Variants in PLXDC2 observed in about 807,000 individuals in gnomAD.
PLXDC2 encodes the protein plexin domain-containing protein 2.
In PLXDC2, 40 loss-of-function variants were observed where a neutral mutation model predicts 68.9. The ratio of observed to expected loss-of-function variants is 0.58; its 90% CI spans 0.45 to 0.76. The LOEUF is 0.76. PLXDC2 is among the 30% of genes least tolerant of loss of function. PLXDC2 has a pLI of 0.00. For synonymous variants in PLXDC2, 243 were observed against 234.2 expected (o/e 1.04, Z -0.34); for missense variants, 644 against 661.9 (o/e 0.97, Z 0.30).
At chr10:19,896,812 TG>T (rs1277338847) in intron 1 of PLXDC2, among the ~76,000 whole-genome samples, 1 of 152,182 alleles carries the variant, frequency 6.6e-6, no homozygotes, top group Non-Finnish European at 1.5e-5. Flanking sequence ...TTTGGGTCTT[TG>T]GTCAAGTCTC....
rs1043369664 is a variant in PLXDC2, at chr10:20,284,715, T to C, written c.*4896T>C. 6.6e-6 allele frequency: 1 copy of C among 152,146 alleles called. No individual in the cohort carries two copies. Among genetic ancestry groups the C allele is most frequent in the Non-Finnish European group, 1.5e-5 (1 of 68,040 alleles). The allele number at this position is 152,146 out of a possible 1,614,324, so 9.4% of individuals were successfully genotyped here. A position where few individuals can be genotyped will look rare whatever the true frequency, so the allele number is the denominator to read the frequency against. ...CAGTAAACTGGGTCTTGAACTTAAATGTTTGTTTCAGTTCTCATTGCCTTC... is the reference window on the plus strand; with the variant it reads ...CAGTAAACTGGGTCTTGAACTTAAACGTTTGTTTCAGTTCTCATTGCCTTC... On this transcript the variant is annotated 3_prime_UTR_variant, in exon 14 of 14. Transcript: ENST00000377252.
At chr10:19,994,425 C>A (rs1361733795) in intron 1 of PLXDC2, among the ~76,000 whole-genome samples, 1 of 144,498 alleles carries the variant, frequency 6.9e-6, no homozygotes, top group Non-Finnish European at 1.5e-5. Flanking sequence ...TCTTCCTAGG[C>A]TCAAGCGATC....
intron 12 of PLXDC2, among the ~76,000 whole-genome samples, chr10:20,225,088 G>T (rs1835268395): frequency 6.6e-6 from 1 of 152,170 alleles, no homozygotes. Flanking sequence ...AATTAAAACA[G>T]ATATACTTTG....
intron 3 of PLXDC2, among the ~76,000 whole-genome samples, chr10:20,061,787 C>G (rs1034927895): frequency 6.6e-6 from 1 of 152,122 alleles, no homozygotes; most frequent in Non-Finnish European, 1.5e-5. Context: ...ATGAAGACAT[C>G]GTAACATTGC....
At chr10:20,195,020 T>C (rs1446442880) in intron 9 of PLXDC2, among the ~76,000 whole-genome samples, 1 of 152,002 alleles carries the variant, frequency 6.6e-6, no homozygotes, top group African/African-American at 2.4e-5. Context: ...TATTACATTA[T>C]AAAAGATAAT....
intron 1 of PLXDC2, among the ~76,000 whole-genome samples, chr10:19,856,739 C>G (rs1439536962): frequency 6.6e-6 from 1 of 152,130 alleles, no homozygotes; most frequent in Non-Finnish European, 1.5e-5. Context: ...TGGGGGAAAT[C>G]AAAACAACTT....
intron 4 of PLXDC2, among the ~76,000 whole-genome samples, chr10:20,082,141 A>G (rs1343495922): frequency 6.6e-6 from 1 of 151,638 alleles, no homozygotes; most frequent in Admixed American, 6.6e-5. Context: ...GCTAAATATA[A>G]TGTCATATTG....
intron 3 of PLXDC2, among the ~76,000 whole-genome samples, chr10:20,050,240 A>C (rs1000690067): frequency 3.3e-5 from 5 of 152,090 alleles, no homozygotes; most frequent in African/African-American, 1.2e-4. Context: ...TAGATGTAAA[A>C]CTCAAAACTA....
intron 4 of PLXDC2, among the ~76,000 whole-genome samples, chr10:20,109,082 C>G (rs1341105775): frequency 6.6e-6 from 1 of 152,142 alleles, no homozygotes; most frequent in Non-Finnish European, 1.5e-5. Context: ...TGAGAGGAAT[C>G]CCATTCATTG....
In PLXDC2 at chr10:20,200,038, G is replaced by C. The variant is rs770642999; in HGVS notation, c.1062-11631G>C. Among the ~76,000 whole-genome samples the C allele has an allele frequency of 5.7e-4, 87 of 151,942 alleles. 1 individual carries two copies. The highest frequency in any genetic ancestry group is 7.9e-4 in the Admixed American group (12 of 15,240). ...CTGGCAGTTATTTCTTTAATGCTAAGGTAGGAGAGGCTTTTCTGAGCAGAA... is the reference window on the plus strand; with the variant it reads ...CTGGCAGTTATTTCTTTAATGCTAACGTAGGAGAGGCTTTTCTGAGCAGAA... On this transcript the variant is annotated intron_variant, in intron 9 of 13. Coordinates refer to ENST00000377252, the MANE Select transcript of PLXDC2 (RefSeq NM_032812.9).
At chr10:19,914,882 A>G (rs1589533836) in intron 1 of PLXDC2, among the ~76,000 whole-genome samples, 5 of 152,238 alleles carry the variant, frequency 3.3e-5, no homozygotes, top group Admixed American at 2.6e-4. Context: ...GGTAATTTTC[A>G]TTGGTCTGAA....
At chr10:19,970,070 T>C (rs1170522026) in intron 1 of PLXDC2, among the ~76,000 whole-genome samples, 1 of 152,216 alleles carries the variant, frequency 6.6e-6, no homozygotes, top group African/African-American at 2.4e-5. Context: ...TTCTTGAACT[T>C]GCCTCTGTCC....
chr10:20,138,140 G>A (rs974798505), intron 4 of PLXDC2, among the ~76,000 whole-genome samples: 1 of 152,118 alleles, frequency 6.6e-6, no homozygotes, highest in African/African-American at 2.4e-5. Context: ...TAGAAGTTTG[G>A]TGAGGTTTTG....
At chr10:20,138,209 A>C (rs1833958189) in intron 4 of PLXDC2, among the ~76,000 whole-genome samples, 1 of 152,166 alleles carries the variant, frequency 6.6e-6, no homozygotes. Flanking sequence ...CCAGTGCTGA[A>C]ATTGTTGCCT....
At chr10:19,879,016 G>A (rs1017373933) in intron 1 of PLXDC2, among the ~76,000 whole-genome samples, 1 of 152,126 alleles carries the variant, frequency 6.6e-6, no homozygotes, top group Non-Finnish European at 1.5e-5. Flanking sequence ...TTGTATTGAT[G>A]CCACTGCCTT....
chr10:20,047,302 T>C (rs1374673298), intron 3 of PLXDC2, among the ~76,000 whole-genome samples: 1 of 152,168 alleles, frequency 6.6e-6, no homozygotes, highest in African/African-American at 2.4e-5. Flanking sequence ...AATTGAGCTT[T>C]ATCTTGGATT....
intron 1 of PLXDC2, among the ~76,000 whole-genome samples, chr10:19,929,739 C>T (rs1380139556): frequency 6.6e-6 from 1 of 152,120 alleles, no homozygotes; most frequent in Non-Finnish European, 1.5e-5. Context: ...TGAAATATAA[C>T]CACTGATACA....
chr10:20,156,435 C>T (rs1483505631), intron 6 of PLXDC2, among the ~76,000 whole-genome samples: 4 of 152,100 alleles, frequency 2.6e-5, no homozygotes, highest in East Asian at 1.9e-4. Flanking sequence ...CTTGAGGACT[C>T]GGAAAGCCCT....
intron 13 of PLXDC2, among the ~76,000 whole-genome samples, chr10:20,245,842 G>A (rs1013737436): frequency 5.3e-5 from 8 of 152,114 alleles, no homozygotes; most frequent in African/African-American, 1.4e-4. Flanking sequence ...GAAATACTAC[G>A]TATCTGGGGG....
Sources: allele counts gnomAD v4.1 joint callset (sites outside exome capture counted in the v4.1 genomes callset), GRCh38; gene constraint gnomAD v4.1.1; transcripts MANE v1.5; gene names NCBI Gene and HGNC (gene_info 2026-07-23, HGNC 2026-07-21).